The following ARHGAP26 variants were observed in gnomAD, a reference collection of about 807,000 sequenced individuals.
ARHGAP26 encodes the protein Rho GTPase activating protein 26.
A neutral mutation model predicts 104.8 loss-of-function variants in ARHGAP26; 38 were observed. The ratio of observed to expected loss-of-function variants is 0.36; its 90% CI spans 0.28 to 0.48. The LOEUF is 0.48. ARHGAP26 is among the 20% of genes least tolerant of loss of function. ARHGAP26 has a pLI of 0.99. For synonymous variants in ARHGAP26, 341 were observed against 340.0 expected (o/e 1.00, Z -0.03); for missense variants, 704 against 947.9 (o/e 0.74, Z 3.38).
intron 1 of ARHGAP26, among the ~76,000 whole-genome samples, chr5:142,795,964 C>A (rs567847228): frequency 6.6e-6 from 1 of 152,126 alleles, no homozygotes; most frequent in Non-Finnish European, 1.5e-5. Context: ...GACAGCCTCC[C>A]CCATCCCACT....
chr5:142,993,837 CT>C (rs1776001885), intron 11 of ARHGAP26, among the ~76,000 whole-genome samples: 1 of 151,678 alleles, frequency 6.6e-6, no homozygotes, highest in Non-Finnish European at 1.5e-5. Flanking sequence ...CTTTTCTTTT[CT>C]TTTCTTTTTT....
intron 12 of ARHGAP26, among the ~76,000 whole-genome samples, chr5:143,035,718 C>T (rs1161849185): frequency 6.6e-6 from 1 of 151,920 alleles, no homozygotes; most frequent in African/African-American, 2.4e-5. Context: ...GGTAGATCAC[C>T]TGAGGTCAGG....
intron 8 of ARHGAP26, among the ~76,000 whole-genome samples, chr5:142,905,534 C>T (rs1467653170): frequency 6.6e-6 from 1 of 152,150 alleles, no homozygotes; most frequent in Non-Finnish European, 1.5e-5. Context: ...ACAATGATAT[C>T]ATTCCTTCTC....
chr5:142,844,824 C>T (rs1455388345), intron 1 of ARHGAP26, among the ~76,000 whole-genome samples: 1 of 147,616 alleles, frequency 6.8e-6, no homozygotes, highest in Non-Finnish European at 1.5e-5. Context: ...CACTGCACTA[C>T]AGCTGGGACA....
chr5:142,976,635 T>C (rs940926219), intron 11 of ARHGAP26, among the ~76,000 whole-genome samples: 2 of 152,156 alleles, frequency 1.3e-5, no homozygotes, highest in Non-Finnish European at 2.9e-5. Context: ...TCATAAGATA[T>C]CCTGTTGGGA....
At chr5:143,062,519 GTTTT>G (rs57175122) in intron 17 of ARHGAP26, among the ~76,000 whole-genome samples, 5 of 124,032 alleles carry the variant, frequency 4.0e-5, no homozygotes, top group Admixed American at 8.0e-5. Context: ...TGTAGCTTGG[GTTTT>G]TTTTTTTTTT....
intron 12 of ARHGAP26, among the ~76,000 whole-genome samples, chr5:143,024,665 T>C (rs1255145946): frequency 6.6e-6 from 1 of 152,186 alleles, no homozygotes; most frequent in African/African-American, 2.4e-5. Context: ...ATATACGTTA[T>C]GTCATTTGAT....
At chr5:142,812,497 C>G (rs1764293069) in intron 1 of ARHGAP26, among the ~76,000 whole-genome samples, 1 of 151,988 alleles carries the variant, frequency 6.6e-6, no homozygotes, top group South Asian at 2.1e-4. Flanking sequence ...GCCACCATGC[C>G]CGGCTAATTT....
intron 11 of ARHGAP26, among the ~76,000 whole-genome samples, chr5:142,981,563 A>AT (rs1377124312): frequency 1.3e-5 from 2 of 152,212 alleles, no homozygotes; most frequent in Non-Finnish European, 2.9e-5. Flanking sequence ...GGTGCAAGTT[A>AT]GTATTTGGAA....
rs569566433 is a variant in ARHGAP26 at position 143,037,864 on chromosome 5, A to G, written c.1210+603A>G. 9.2e-5 allele frequency among the ~76,000 whole-genome samples: 14 copies of G among 152,304 alleles called. No individual in the cohort carries two copies. The South Asian group carries it at 2.9e-3, about 32-fold the overall frequency. On this transcript the variant is annotated intron_variant, in intron 13 of 22. Coordinates refer to ENST00000645722, the MANE Select transcript of ARHGAP26 (RefSeq NM_001135608.3). ...ACATCTTGGGGTCTGTGAACCCAAGATGCTCTGGGGAGCTAGTCCCTGGGG... is the reference window on the plus strand; with the variant it reads ...ACATCTTGGGGTCTGTGAACCCAAGGTGCTCTGGGGAGCTAGTCCCTGGGG...
At chr5:143,134,500 C>T (rs1381914290) in intron 19 of ARHGAP26, among the ~76,000 whole-genome samples, 3 of 152,200 alleles carry the variant, frequency 2.0e-5, no homozygotes, top group African/African-American at 7.2e-5. Flanking sequence ...GTGTGAGTCA[C>T]ATGCCCTACT....
chr5:142,878,138 C>T (rs1267062044), intron 3 of ARHGAP26, among the ~76,000 whole-genome samples: 1 of 152,102 alleles, frequency 6.6e-6, no homozygotes, highest in African/African-American at 2.4e-5. Context: ...CTGGCATTTA[C>T]CCGGTTAGTT....
intron 12 of ARHGAP26, among the ~76,000 whole-genome samples, chr5:143,021,469 T>C (rs1780324647): frequency 6.6e-6 from 1 of 152,244 alleles, no homozygotes; most frequent in African/African-American, 2.4e-5. Context: ...TCATCAGTTA[T>C]TGGCCTTGTA....
chr5:142,937,964 G>T (rs554305861), intron 11 of ARHGAP26, among the ~76,000 whole-genome samples: 1 of 152,202 alleles, frequency 6.6e-6, no homozygotes, highest in African/African-American at 2.4e-5. Context: ...GATCTTGGTG[G>T]TTAGTTATAT....
At position 142,968,629 on chromosome 5, in the gene ARHGAP26, T is replaced by C. The variant is rs187585623; in HGVS notation, c.1107+36504T>C. Among the ~76,000 whole-genome samples, 19 of 152,348 alleles carry C rather than the reference T, an allele frequency of 1.2e-4. No individual in the cohort carries two copies. In the East Asian group the frequency reaches 3.5e-3, roughly 28 times the overall value. On this transcript the variant is annotated intron_variant, in intron 11 of 22. Transcript: ENST00000645722. ...TTACATGCATAGGATTGCACTTCTT[T>C]TGTTATTTTATACATATATCTTTAC...
At chr5:142,984,720 A>G (rs541159974) in intron 11 of ARHGAP26, among the ~76,000 whole-genome samples, 1 of 152,266 alleles carries the variant, frequency 6.6e-6, no homozygotes, top group South Asian at 2.1e-4. Context: ...CCTATCTCTT[A>G]GTGCTGTTGT....
intron 20 of ARHGAP26, among the ~76,000 whole-genome samples, chr5:143,182,103 C>T (rs1264951170): frequency 6.6e-6 from 1 of 152,180 alleles, no homozygotes; most frequent in Non-Finnish European, 1.5e-5. Flanking sequence ...TATAGCCTGC[C>T]CTGACCCTTC....
intron 12 of ARHGAP26, 129 bp downstream of exon 12, chr5:143,014,245 G>A: frequency 1.0e-6 from 1 of 986,384 alleles, no homozygotes; most frequent in Non-Finnish European, 1.6e-6. Flanking sequence ...CCCGAGTGCA[G>A]TGGGACATGC....
chr5:142,870,117 G>T (rs1359727937), intron 1 of ARHGAP26, among the ~76,000 whole-genome samples: 2 of 152,158 alleles, frequency 1.3e-5, no homozygotes, highest in Non-Finnish European at 2.9e-5. Flanking sequence ...GCTGTGTCTT[G>T]CACTGCCTGC....
Sources: gnomAD v4.1 joint callset for allele counts (sites outside exome capture counted in the v4.1 genomes callset) on GRCh38, gnomAD v4.1.1 for gene constraint, MANE v1.5 for transcripts, NCBI Gene and HGNC (gene_info 2026-07-23, HGNC 2026-07-21) for gene names.